Variants in CDH3 observed in about 807,000 individuals in gnomAD.
CDH3 encodes the protein cadherin-3.
Under a neutral mutation model 82.0 loss-of-function variants are expected in CDH3, and 54 were observed. That is an observed-to-expected ratio of 0.66 (90% CI 0.53 to 0.83). The LOEUF (loss-of-function observed/expected upper bound fraction) is 0.83, where lower values mean the gene tolerates loss of function less well. Ranked by LOEUF, CDH3 falls within the 40% of genes least tolerant of loss-of-function variation. The pLI, the probability that CDH3 is intolerant of heterozygous loss-of-function variation, is 0.00. For missense variants in CDH3, 1,054 were observed against 1,084.6 expected, an observed-to-expected ratio of 0.97 and a Z score of 0.40; for synonymous variants, 446 against 437.9, an observed-to-expected ratio of 1.02 and a Z score of -0.23.
chr16:68,661,784 G>T (rs1290556588), intron 2 of CDH3, among the ~76,000 whole-genome samples: 1 of 152,216 alleles, frequency 6.6e-6, no homozygotes, highest in Non-Finnish European at 1.5e-5. Context: ...CGCCTCCCGG[G>T]TTCAAGCTAT....
intron 1 of CDH3, among the ~76,000 whole-genome samples, chr16:68,709,554 G>A (rs1486361259): frequency 6.6e-6 from 1 of 152,068 alleles, no homozygotes; most frequent in Non-Finnish European, 1.5e-5. Context: ...TGCCTCCCAG[G>A]TTCAAGCGAT....
At chr16:68,676,920 T>C (rs1346245970) in intron 3 of CDH3, among the ~76,000 whole-genome samples, 3 of 152,106 alleles carry the variant, frequency 2.0e-5, no homozygotes, top group Non-Finnish European at 4.4e-5. Context: ...GGTTCAAAAA[T>C]AAAAAATAAT....
At chr16:68,726,418 A>G (rs1962219867) in intron 2 of CDH3, among the ~76,000 whole-genome samples, 1 of 152,174 alleles carries the variant, frequency 6.6e-6, no homozygotes, top group African/African-American at 2.4e-5. Flanking sequence ...GGTCCCCGCA[A>G]AAGACTATTT....
chr16:68,664,930 A>G (rs924957478), intron 2 of CDH3, among the ~76,000 whole-genome samples: 3 of 152,072 alleles, frequency 2.0e-5, no homozygotes, highest in Non-Finnish European at 4.4e-5. Context: ...AATTACAGGC[A>G]TGAGCCACTG....
chr16:68,668,773 G>T (rs1960808666), intron 2 of CDH3, among the ~76,000 whole-genome samples: 2 of 152,194 alleles, frequency 1.3e-5, no homozygotes, highest in South Asian at 4.1e-4. Flanking sequence ...CTTTGAGAGA[G>T]AATTTTTCGA....
In CDH3 at chr16:68,678,186, G is replaced by A. The variant is rs757633932; in HGVS notation, c.299G>A (p.Arg100His). Residue 100 changes from arginine (R) to histidine (H), a missense_variant, in exon 4 of 16, where the codon CGT (arginine) becomes CAT (histidine). Coordinates refer to ENST00000264012, the MANE Select transcript of CDH3 (RefSeq NM_001793.6). ...RNPLKIFPSKRILRRHKRDWV... is the reference protein window; with the variant it reads ...RNPLKIFPSKHILRRHKRDWV... ...CCATTGAAGATCTTCCCATCCAAACGTATCTTACGAAGACACAAGAGAGAT... is the reference window on the plus strand; with the variant it reads ...CCATTGAAGATCTTCCCATCCAAACATATCTTACGAAGACACAAGAGAGAT... 16 of 1,613,570 alleles carry A rather than the reference G, an allele frequency of 9.9e-6. No homozygotes were observed. The highest frequency in any genetic ancestry group is 3.3e-5 in the South Asian group (3 of 91,072).
chr16:68,645,594 C>T (rs752617674), intron 1 of CDH3, 42 bp from the exon 2 acceptor site: 1 of 1,507,092 alleles, frequency 6.6e-7, no homozygotes, highest in East Asian at 2.5e-5. Flanking sequence ...GGGCCGGGCA[C>T]GCCTGGACCC....
intron 8 of CDH3, 33 bp downstream of exon 8, chr16:68,681,129 G>T (rs748796810): frequency 6.2e-7 from 1 of 1,612,320 alleles, no homozygotes; most frequent in Non-Finnish European, 8.5e-7. Flanking sequence ...TCCCTCATCA[G>T]ATAATGAAGG....
At chr16:68,691,660 G>T in intron 12 of CDH3, 60 bp from the exon 13 acceptor site, 3 of 1,309,102 alleles carry the variant, frequency 2.3e-6, no homozygotes, top group Non-Finnish European at 2.2e-6. Context: ...TTTCTTCATG[G>T]TGTACTCAGA....
At chr16:68,678,107 T>C (rs1961085679) in intron 3 of CDH3, 27 bp from the exon 4 acceptor site, 2 of 1,610,352 alleles carry the variant, frequency 1.2e-6, no homozygotes, top group Non-Finnish European at 1.7e-6. Flanking sequence ...TTTGCACATC[T>C]GGGTTAAGGA....
chr16:68,717,022 C>CA (rs2152110770), intron 1 of CDH3, among the ~76,000 whole-genome samples: 1 of 152,072 alleles, frequency 6.6e-6, no homozygotes, highest in East Asian at 1.9e-4. Flanking sequence ...CATAAGCCAA[C>CA]AGGCCTGGCC....
rs1210403907 is a variant in CDH3 at position 68,682,198 on chromosome 16, G to A, written c.997-104G>A. 4 of 1,312,598 alleles carry A rather than the reference G, an allele frequency of 3.0e-6. No individual in the cohort carries two copies. The African/African-American group carries it at 4.4e-5, about 14-fold the overall frequency. 81.3% of individuals were successfully genotyped at this position (1,312,598 alleles called of 1,614,324 possible). A position where few individuals can be genotyped will look rare whatever the true frequency, so the allele number is the denominator to read the frequency against. On this transcript the variant is annotated intron_variant, in intron 8 of 15. Coordinates refer to ENST00000264012, the MANE Select transcript of CDH3 (RefSeq NM_001793.6). Reference sequence around the variant, plus strand: ...AAAGTGGGTGGGTGGTCCAGGAAAGGGTAAAGGCATGGGGATCCCCTGAGG... The same window carrying A: ...AAAGTGGGTGGGTGGTCCAGGAAAGAGTAAAGGCATGGGGATCCCCTGAGG...
At chr16:68,666,671 C>G (rs1960742069) in intron 2 of CDH3, among the ~76,000 whole-genome samples, 1 of 152,150 alleles carries the variant, frequency 6.6e-6, no homozygotes, top group African/African-American at 2.4e-5. Flanking sequence ...CTCAGCCCCT[C>G]TCTCTCTCTT....
chr16:68,696,019 G>A lies in CDH3; in HGVS notation c.2280+96G>A. 5 of 1,372,494 alleles carry A rather than the reference G, an allele frequency of 3.6e-6. No homozygotes were observed. The South Asian group carries it at 6.1e-5, about 17-fold the overall frequency. 85.0% of individuals were successfully genotyped at this position (1,372,494 alleles called of 1,614,324 possible). A position where few individuals can be genotyped will look rare whatever the true frequency, so the allele number is the denominator to read the frequency against. ...CATGGGCCTGGAGTCTTGGGTCTGGGTTCAAATTCTGACTCCACCACCAAC... is the reference window on the plus strand; with the variant it reads ...CATGGGCCTGGAGTCTTGGGTCTGGATTCAAATTCTGACTCCACCACCAAC... On this transcript the variant is annotated intron_variant, in intron 15 of 15. Coordinates refer to ENST00000264012, the MANE Select transcript of CDH3 (RefSeq NM_001793.6).
intron 2 of CDH3, among the ~76,000 whole-genome samples, chr16:68,646,664 G>T (rs2152087894): frequency 3.0e-5 from 2 of 66,770 alleles, no homozygotes; most frequent in Middle Eastern, 0.016. Flanking sequence ...CTCCAGCAAG[G>T]GTTGAAACCT....
intron 11 of CDH3, 84 bp downstream of exon 11, chr16:68,685,434 G>A: frequency 6.9e-7 from 1 of 1,450,196 alleles, no homozygotes. Context: ...TTCCTCCACA[G>A]GTGGGAACAT....
chr16:68,704,592 G>A (rs565882239), downstream of CDH3, among the ~76,000 whole-genome samples: 29 of 152,388 alleles, frequency 1.9e-4, no homozygotes, highest in African/African-American at 7.0e-4. Context: ...CTGCAGGGAG[G>A]GAGGGAGAGA....
intron 1 of CDH3, among the ~76,000 whole-genome samples, chr16:68,710,656 C>G (rs1962014868): frequency 6.6e-6 from 1 of 150,996 alleles, no homozygotes; most frequent in African/African-American, 2.4e-5. Context: ...CCAGCCTGGC[C>G]AACATGGCAA....
chr16:68,687,580 G>T lies in CDH3; in HGVS notation c.1639G>T (p.Val547Phe). 1.2e-6 allele frequency: 2 copies of T among 1,614,134 alleles called. No individual in the cohort carries two copies. The highest frequency in any genetic ancestry group is 1.7e-6 in the Non-Finnish European group (2 of 1,180,022). ...TLIDVNDHGPVPEPRQITICN... is the reference protein window; with the variant it reads ...TLIDVNDHGPFPEPRQITICN... ...GATTGATGTCAATGACCATGGCCCA[G>T]TCCCTGAGCCCCGTCAGATCACCAT... is the stretch of plus-strand genomic sequence containing the variant. Residue 547 changes from valine to phenylalanine, a missense_variant, in exon 12 of 16, where the codon GTC (valine) becomes TTC (phenylalanine). Coordinates refer to ENST00000264012, the MANE Select transcript of CDH3 (RefSeq NM_001793.6).
Sources: gnomAD v4.1 joint callset for allele counts (sites outside exome capture counted in the v4.1 genomes callset) on GRCh38, gnomAD v4.1.1 for gene constraint, MANE v1.5 for transcripts, NCBI Gene and HGNC (gene_info 2026-07-23, HGNC 2026-07-21) for gene names.